CCDC102B: variants seen among roughly 807,000 people sequenced by gnomAD.
CCDC102B encodes coiled-coil domain-containing protein 102B.
A neutral mutation model predicts 57.4 loss-of-function variants in CCDC102B; 75 were observed. The observed-to-expected ratio is 1.31, with a 90% CI of 1.08 to 1.58. CCDC102B has a LOEUF of 1.58. CCDC102B is among the 40% of genes most tolerant of loss of function. The pLI is 0.00. For synonymous variants in CCDC102B, 206 were observed against 201.9 expected (o/e 1.02, Z -0.17); for missense variants, 636 against 582.6 (o/e 1.09, Z -0.94).
At chr18:68,776,915 A>AT (rs1268246722) in intron 2 of CCDC102B, among the ~76,000 whole-genome samples, 2 of 151,942 alleles carry the variant, frequency 1.3e-5, no homozygotes, top group South Asian at 2.1e-4. Context: ...TTGTATTACC[A>AT]TTTTTTTCCC....
chr18:68,897,452 T>C (rs181673299), intron 6 of CCDC102B, 24 bp downstream of exon 6: 7 of 1,602,786 alleles, frequency 4.4e-6, no homozygotes, highest in South Asian at 1.1e-5. Flanking sequence ...TTGGAGCAAA[T>C]TCTCACTGTC....
At chr18:68,928,052 G>A (rs1468970860) in intron 6 of CCDC102B, among the ~76,000 whole-genome samples, 4 of 151,858 alleles carry the variant, frequency 2.6e-5, no homozygotes, top group Non-Finnish European at 5.9e-5. Context: ...TCTGTTAGAG[G>A]TGTGAACTTG....
chr18:68,754,716 T>A (rs1363535131), intron 2 of CCDC102B: 1 of 152,202 alleles, frequency 6.6e-6, no homozygotes, highest in East Asian at 1.9e-4. Flanking sequence ...GGACTGAATG[T>A]GTCTCCTCAA....
chr18:68,865,328 C>T (rs2144895840), intron 4 of CCDC102B, among the ~76,000 whole-genome samples: 1 of 152,140 alleles, frequency 6.6e-6, no homozygotes, highest in Admixed American at 6.5e-5. Context: ...TCTTAACCTA[C>T]TTGTATCTTA....
chr18:68,835,501 A>G (rs1481460025), intron 1 of CCDC102B, among the ~76,000 whole-genome samples: 1 of 152,252 alleles, frequency 6.6e-6, no homozygotes, highest in Non-Finnish European at 1.5e-5. Context: ...TTTGACACAC[A>G]AGAACCATGT....
chr18:69,019,499 TG>T (rs147922422), intron 7 of CCDC102B, among the ~76,000 whole-genome samples: 8,217 of 152,084 alleles, frequency 0.054, 328 homozygotes, highest in East Asian at 0.15. Context: ...TGAGTGGGAT[TG>T]TTTTTTATTT....
At chr18:68,948,251 G>T (rs569498187) in intron 6 of CCDC102B, among the ~76,000 whole-genome samples, 2 of 151,970 alleles carry the variant, frequency 1.3e-5, no homozygotes, top group African/African-American at 4.8e-5. Context: ...GCATATTGTC[G>T]ATGTACAGGG....
intron 2 of CCDC102B, among the ~76,000 whole-genome samples, chr18:68,746,111 CAT>C (rs1387814840): frequency 6.6e-6 from 1 of 152,194 alleles, no homozygotes; most frequent in African/African-American, 2.4e-5. Context: ...TTTTAAAAAA[CAT>C]ATGCAACGCA....
intron 6 of CCDC102B, among the ~76,000 whole-genome samples, chr18:68,914,008 A>G (rs1033628073): frequency 2.6e-5 from 4 of 152,242 alleles, no homozygotes; most frequent in Admixed American, 6.5e-5. Context: ...CCAGGAGCAC[A>G]TATATTTTAA....
intron 5 of CCDC102B, among the ~76,000 whole-genome samples, chr18:68,890,558 A>G (rs1468682784): frequency 1.3e-5 from 2 of 152,214 alleles, no homozygotes. Context: ...CACAAAACGC[A>G]CAAGCAACTG....
chr18:69,030,881 C>T (rs966946902), intron 7 of CCDC102B, among the ~76,000 whole-genome samples: 1 of 152,134 alleles, frequency 6.6e-6, no homozygotes, highest in Non-Finnish European at 1.5e-5. Context: ...TTTCCAGCTC[C>T]TGACCTCATG....
chr18:68,966,779 G>A (rs1467179498), intron 6 of CCDC102B, among the ~76,000 whole-genome samples: 2 of 152,102 alleles, frequency 1.3e-5, no homozygotes, highest in African/African-American at 4.8e-5. Context: ...GTCTTCTCAA[G>A]AGTTTTGCCC....
intron 5 of CCDC102B, among the ~76,000 whole-genome samples, chr18:68,894,341 A>C (rs1167763990): frequency 1.3e-5 from 2 of 152,100 alleles, no homozygotes; most frequent in African/African-American, 2.4e-5. Context: ...TTTACATTAA[A>C]ATTTTCAGAA....
intron 7 of CCDC102B, among the ~76,000 whole-genome samples, chr18:69,020,795 A>C (rs757603081): frequency 2.6e-5 from 4 of 152,212 alleles, no homozygotes; most frequent in Non-Finnish European, 5.9e-5. Context: ...AATATAAAGA[A>C]AATGACTTGC....
chr18:68,956,367 A>G (rs1169886914), intron 6 of CCDC102B, among the ~76,000 whole-genome samples: 9 of 67,402 alleles, frequency 1.3e-4, no homozygotes, highest in Non-Finnish European at 2.7e-4. Flanking sequence ...TATAATATAT[A>G]TATAAAATGT....
intron 6 of CCDC102B, chr18:68,993,385 T>G (rs1005530820): frequency 6.6e-6 from 1 of 152,232 alleles, no homozygotes; most frequent in Non-Finnish European, 1.5e-5. Flanking sequence ...CATGACAGAT[T>G]GTCACATATT....
intron 6 of CCDC102B, among the ~76,000 whole-genome samples, chr18:68,965,634 C>T (rs187360425): frequency 6.6e-6 from 1 of 151,076 alleles, no homozygotes; most frequent in Admixed American, 6.6e-5. Context: ...ATATAAAAAA[C>T]CAGTCACTAT....
At chr18:68,857,868 T>G (rs530753554) in intron 4 of CCDC102B, among the ~76,000 whole-genome samples, 1 of 152,292 alleles carries the variant, frequency 6.6e-6, no homozygotes, top group Admixed American at 6.5e-5. Context: ...TGTGCACAAT[T>G]TTTCAGTAAA....
At chr18:68,893,233 C>A (rs936492685) in intron 5 of CCDC102B, among the ~76,000 whole-genome samples, 22 of 152,064 alleles carry the variant, frequency 1.4e-4, no homozygotes, top group Admixed American at 1.3e-3. Flanking sequence ...TCAGTTCTCC[C>A]TCATAACACT....
Sources: gnomAD v4.1 joint callset for allele counts (sites outside exome capture counted in the v4.1 genomes callset) on GRCh38, gnomAD v4.1.1 for gene constraint, MANE v1.5 for transcripts, NCBI Gene and HGNC (gene_info 2026-07-23, HGNC 2026-07-21) for gene names.